The following PRMT8 variants were observed in gnomAD, a reference collection of about 807,000 sequenced individuals.
PRMT8 encodes the protein protein arginine methyltransferase 8, also known as protein arginine N-methyltransferase 8.
In PRMT8, 7 loss-of-function variants were observed where a neutral mutation model predicts 47.1. That is an observed-to-expected ratio of 0.15 (90% CI 0.08 to 0.28). The LOEUF (loss-of-function observed/expected upper bound fraction) is 0.28. Ranked by LOEUF, PRMT8 falls within the 10% of genes least tolerant of loss-of-function variation. The pLI, the probability that PRMT8 is intolerant of heterozygous loss-of-function variation, is 1.00. For missense variants in PRMT8, 237 were observed against 505.4 expected (o/e 0.47, Z 5.09); for synonymous variants, 188 against 186.5 (o/e 1.01, Z -0.07).
At chr12:3,455,250 C>G (rs1864962201) in intron 1 of PRMT8, among the ~76,000 whole-genome samples, 1 of 152,216 alleles carries the variant, frequency 6.6e-6, no homozygotes, top group Admixed American at 6.5e-5. Flanking sequence ...GCATACGAAC[C>G]TGTTGGTCCT....
At chr12:3,383,015 C>T (rs924067108) in intron 1 of PRMT8, among the ~76,000 whole-genome samples, 8 of 152,144 alleles carry the variant, frequency 5.3e-5, no homozygotes, top group Non-Finnish European at 7.4e-5. Flanking sequence ...ATCACTTATG[C>T]GTATTTGTGC....
At chr12:3,483,186 C>T (rs57135291) in intron 1 of PRMT8, among the ~76,000 whole-genome samples, 14,508 of 152,190 alleles carry the variant, frequency 0.095, 744 homozygotes, top group African/African-American at 0.11. Flanking sequence ...GCACAGCACC[C>T]GGTCCGCAGT....
In PRMT8 at chr12:3,540,636, C is replaced by T; in HGVS notation, c.106C>T (p.Pro36Ser). The T allele has an allele frequency of 2.5e-6, 4 of 1,597,090 alleles. No individual in the cohort carries two copies. Among genetic ancestry groups the T allele is most frequent in the South Asian group, 1.1e-5 (1 of 90,458 alleles). The change falls in exon 2 of 10, where the codon CCC becomes TCC. Residue 36 changes from proline to serine, a missense_variant. Physicochemically the swap from Pro to Ser is moderately conservative, Grantham distance 74 (BLOSUM62 -1). Transcript: ENST00000382622. ...CAGCCCCCCCTCCCAGCCCCCCCAG[C>T]CCGTCGTCCCTGCTAAGCCCGTGCA... Reference protein sequence around the residue: ...VNSPPSQPPQPVVPAKPVQCV... With the variant: ...VNSPPSQPPQSVVPAKPVQCV...
chr12:3,520,248 G>A (rs2191204), intron 1 of PRMT8, among the ~76,000 whole-genome samples: 21,808 of 152,254 alleles, frequency 0.14, 1,785 homozygotes, highest in East Asian at 0.26. Flanking sequence ...GAAAACCAAC[G>A]GTGCCTTCAA....
At chr12:3,553,487 TG>T (rs1211079790) in intron 3 of PRMT8, 163 bp from the exon 4 acceptor site, 1 of 644,164 alleles carries the variant, frequency 1.6e-6, no homozygotes, top group Non-Finnish European at 2.8e-6. Flanking sequence ...GGCCTTGAGG[TG>T]GGGGGGCTGG....
intron 2 of PRMT8, among the ~76,000 whole-genome samples, chr12:3,548,387 G>C (rs889256907): frequency 6.6e-6 from 1 of 151,956 alleles, no homozygotes; most frequent in Non-Finnish European, 1.5e-5. Context: ...AAAATGAAAA[G>C]GCAAATCACA....
intron 1 of PRMT8, among the ~76,000 whole-genome samples, chr12:3,521,383 G>T (rs1865879195): frequency 6.6e-6 from 1 of 151,826 alleles, no homozygotes; most frequent in Admixed American, 6.6e-5. Context: ...AGACCAGCCT[G>T]GCCAACATGA....
intron 2 of PRMT8, among the ~76,000 whole-genome samples, chr12:3,545,421 C>T (rs1386817832): frequency 6.6e-6 from 1 of 152,238 alleles, no homozygotes; most frequent in Non-Finnish European, 1.5e-5. Flanking sequence ...TTCAGCTCAC[C>T]TTCAAAGTAT....
chr12:3,498,988 C>A (rs1024970863), intron 1 of PRMT8, among the ~76,000 whole-genome samples: 1 of 152,076 alleles, frequency 6.6e-6, no homozygotes, highest in Non-Finnish European at 1.5e-5. Context: ...GCTCAGCCTT[C>A]CTTGGCTATA....
intron 1 of PRMT8, among the ~76,000 whole-genome samples, chr12:3,414,006 A>T (rs1864459834): frequency 6.6e-6 from 1 of 152,214 alleles, no homozygotes; most frequent in Non-Finnish European, 1.5e-5. Flanking sequence ...TGATTTATGT[A>T]TCGAAAGACC....
intron 1 of PRMT8, among the ~76,000 whole-genome samples, chr12:3,401,730 C>A (rs924268932): frequency 1.3e-5 from 2 of 151,982 alleles, no homozygotes; most frequent in Non-Finnish European, 2.9e-5. Context: ...TTCACAATTG[C>A]TACAAAAAGA....
rs973468465 is a variant in PRMT8, at chr12:3,508,110, T to C, written c.75+16410T>C. ...TGGGATACGACATAAAGCTGGTAGA[T>C]GTTTTCTTCTTTTTCTTACTGTTAC... On this transcript the variant is annotated intron_variant, in intron 1 of 9. Coordinates refer to ENST00000382622, the MANE Select transcript of PRMT8 (RefSeq NM_019854.5). The surrounding 1 kb of genome is among the most constrained non-coding windows in gnomAD (Gnocchi z 4.9). 1.3e-5 allele frequency among the ~76,000 whole-genome samples: 2 copies of C among 152,208 alleles called. No individual in the cohort carries two copies. Among genetic ancestry groups the C allele is most frequent in the Admixed American group, 6.5e-5 (1 of 15,284 alleles).
intron 1 of PRMT8, among the ~76,000 whole-genome samples, chr12:3,397,265 C>G (rs1864260561): frequency 6.6e-6 from 1 of 151,920 alleles, no homozygotes; most frequent in Non-Finnish European, 1.5e-5. Flanking sequence ...GAACTGCGTT[C>G]CTTTGGAGGA....
chr12:3,450,541 T>C (rs767176608), intron 1 of PRMT8, among the ~76,000 whole-genome samples: 5 of 152,230 alleles, frequency 3.3e-5, no homozygotes, highest in Non-Finnish European at 7.3e-5. Context: ...CAGTTTTCTT[T>C]CTTGAAGTGA....
chr12:3,588,258 T>A (rs190732500), intron 8 of PRMT8, among the ~76,000 whole-genome samples: 10 of 152,374 alleles, frequency 6.6e-5, no homozygotes, highest in African/African-American at 2.2e-4. Context: ...TCTTGGTGCA[T>A]AGTCCTCAAT....
At chr12:3,428,710 GTC>G (rs1178709388) in intron 1 of PRMT8, among the ~76,000 whole-genome samples, 3 of 149,482 alleles carry the variant, frequency 2.0e-5, no homozygotes, top group African/African-American at 5.0e-5. Flanking sequence ...TTGACTTTCT[GTC>G]TCTCTCTCTT....
chr12:3,390,269 G>A (rs1261012819), intron 1 of PRMT8, among the ~76,000 whole-genome samples: 1 of 152,230 alleles, frequency 6.6e-6, no homozygotes, highest in Non-Finnish European at 1.5e-5. Flanking sequence ...CACATCACAA[G>A]CTGGAAGGAA....
intron 1 of PRMT8, among the ~76,000 whole-genome samples, chr12:3,392,898 G>A (rs1308308509): frequency 6.6e-6 from 1 of 152,086 alleles, no homozygotes; most frequent in Non-Finnish European, 1.5e-5. Flanking sequence ...TTTAATGATC[G>A]CCATTCTAAC....
chr12:3,525,366 A>T (rs1490041669), intron 1 of PRMT8, among the ~76,000 whole-genome samples: 1 of 152,184 alleles, frequency 6.6e-6, no homozygotes, highest in African/African-American at 2.4e-5. Flanking sequence ...GGAAAGTTGC[A>T]GGGCCTTGTG....
Sources: allele counts gnomAD v4.1 joint callset (sites outside exome capture counted in the v4.1 genomes callset), GRCh38; gene constraint gnomAD v4.1.1; non-coding constraint Gnocchi (gnomAD v3.1); transcripts MANE v1.5; gene names NCBI Gene and HGNC (gene_info 2026-07-23, HGNC 2026-07-21).